GNAQ: variants seen among roughly 807,000 people sequenced by gnomAD.
The protein encoded by GNAQ is guanine nucleotide-binding protein G(q) subunit alpha.
Under a neutral mutation model 43.9 loss-of-function variants are expected in GNAQ, and 8 were observed. That is an observed-to-expected ratio of 0.18 (90% CI 0.11 to 0.33). The LOEUF (loss-of-function observed/expected upper bound fraction) is 0.33, where lower values mean the gene tolerates loss of function less well. Ranked by LOEUF, GNAQ falls within the 10% of genes least tolerant of loss-of-function variation. The pLI, the probability that GNAQ is intolerant of heterozygous loss-of-function variation, is 1.00. For synonymous variants in GNAQ, 155 were observed against 170.7 expected (o/e 0.91, Z 0.71); for missense variants, 158 against 450.8 (o/e 0.35, Z 5.88).
At chr9:77,880,758 G>C (rs1828195544) in intron 2 of GNAQ, among the ~76,000 whole-genome samples, 1 of 152,050 alleles carries the variant, frequency 6.6e-6, no homozygotes, top group Middle Eastern at 3.2e-3. Flanking sequence ...TTTTCTGTTA[G>C]TTTGCCCCTG....
intron 2 of GNAQ, among the ~76,000 whole-genome samples, chr9:77,907,996 C>A (rs890762799): frequency 2.0e-5 from 3 of 152,116 alleles, no homozygotes; most frequent in Admixed American, 6.6e-5. Flanking sequence ...TGGGCTTAAT[C>A]CAGCCCCATA....
At chr9:77,882,315 T>C (rs1395601574) in intron 2 of GNAQ, among the ~76,000 whole-genome samples, 1 of 152,198 alleles carries the variant, frequency 6.6e-6, no homozygotes, top group Non-Finnish European at 1.5e-5. Context: ...TGAGAATTAC[T>C]GTTCCAGATC....
intron 2 of GNAQ, among the ~76,000 whole-genome samples, chr9:77,848,028 G>T (rs1293959096): frequency 1.3e-5 from 2 of 152,152 alleles, no homozygotes; most frequent in Non-Finnish European, 1.5e-5. Flanking sequence ...GGATGCTCTG[G>T]ATTTCAGCCA....
intron 5 of GNAQ, among the ~76,000 whole-genome samples, chr9:77,769,416 GGAA>G (rs1017029312): frequency 9.4e-4 from 142 of 150,490 alleles, no homozygotes; most frequent in Middle Eastern, 3.4e-3. Context: ...AAAAAAAAAA[GGAA>G]GAAGAACTAA....
chr9:78,003,277 C>A (rs1455419273), intron 1 of GNAQ, among the ~76,000 whole-genome samples: 1 of 152,192 alleles, frequency 6.6e-6, no homozygotes. Flanking sequence ...AGAGCACTAG[C>A]TATCTCCAAA....
chr9:77,872,309 T>C (rs1226314424), intron 2 of GNAQ, among the ~76,000 whole-genome samples: 1 of 152,206 alleles, frequency 6.6e-6, no homozygotes, highest in Non-Finnish European at 1.5e-5. Context: ...ACCATTAAAC[T>C]ACTAGGATCT....
intron 5 of GNAQ, among the ~76,000 whole-genome samples, chr9:77,785,481 A>G (rs1202209510): frequency 6.6e-6 from 1 of 152,214 alleles, no homozygotes; most frequent in Non-Finnish European, 1.5e-5. Flanking sequence ...TACAGGCAGT[A>G]TCTACCACAG....
intron 2 of GNAQ, among the ~76,000 whole-genome samples, chr9:77,829,078 G>C (rs1028881656): frequency 6.6e-6 from 1 of 152,074 alleles, no homozygotes; most frequent in South Asian, 2.1e-4. Flanking sequence ...AGAGCTGCTG[G>C]GGCCATTCAT....
At chr9:78,017,677 G>C (rs764496738) in intron 1 of GNAQ, among the ~76,000 whole-genome samples, 4 of 152,102 alleles carry the variant, frequency 2.6e-5, no homozygotes, top group South Asian at 2.1e-4. Context: ...AACAGTTTTG[G>C]CTTGATAGTA....
intron 2 of GNAQ, among the ~76,000 whole-genome samples, chr9:77,913,859 TC>T (rs1328357099): frequency 1.3e-5 from 2 of 152,152 alleles, no homozygotes; most frequent in Non-Finnish European, 1.5e-5. Context: ...CACACACGAC[TC>T]AATACTGATG....
At chr9:77,907,199 G>T (rs1335427100) in intron 2 of GNAQ, among the ~76,000 whole-genome samples, 1 of 152,068 alleles carries the variant, frequency 6.6e-6, no homozygotes, top group Non-Finnish European at 1.5e-5. Flanking sequence ...CTTGATTTGT[G>T]ACCAAGTTTT....
chr9:77,862,008 TAAAAA>T (rs56145947), intron 2 of GNAQ, among the ~76,000 whole-genome samples: 5 of 118,096 alleles, frequency 4.2e-5, no homozygotes, highest in Non-Finnish European at 6.7e-5. Flanking sequence ...CTGTCTGGGG[TAAAAA>T]AAAAAAAAAA....
rs561412439 is a variant in GNAQ, at chr9:77,833,029, C to T, written c.322-17259G>A. ...TCTCCCAGGCTGGAATGCAAAGGCACGATCTCGGCTCACTGCAACCTCTGC... is the reference window on the plus strand; with the variant it reads ...TCTCCCAGGCTGGAATGCAAAGGCATGATCTCGGCTCACTGCAACCTCTGC... On this transcript the variant is annotated intron_variant, in intron 2 of 6. Transcript: ENST00000286548. Among the ~76,000 whole-genome samples, 129 of 152,290 alleles carry T rather than the reference C, an allele frequency of 8.5e-4. 1 individual carries two copies. Among genetic ancestry groups the T allele is most frequent in the South Asian group, 1.7e-3 (8 of 4,826 alleles).
At chr9:77,774,321 G>A (rs1463622090) in intron 5 of GNAQ, among the ~76,000 whole-genome samples, 1 of 152,120 alleles carries the variant, frequency 6.6e-6, no homozygotes, top group Non-Finnish European at 1.5e-5. Context: ...ATGGATGTTA[G>A]AACTAATACT....
intron 6 of GNAQ, among the ~76,000 whole-genome samples, chr9:77,724,366 A>G (rs931053034): frequency 1.3e-5 from 2 of 151,878 alleles, no homozygotes; most frequent in African/African-American, 4.8e-5. Context: ...TAATTTTTGT[A>G]TTTTTAGAAG....
At chr9:77,762,005 G>T (rs1826039436) in intron 5 of GNAQ, among the ~76,000 whole-genome samples, 1 of 138,582 alleles carries the variant, frequency 7.2e-6, no homozygotes, top group African/African-American at 2.7e-5. Context: ...GGGCGCCTCT[G>T]CCCGGCCGCC....
chr9:77,799,076 G>A (rs1826703344), intron 3 of GNAQ, among the ~76,000 whole-genome samples: 1 of 152,126 alleles, frequency 6.6e-6, no homozygotes, highest in Non-Finnish European at 1.5e-5. Context: ...AAAATAATCT[G>A]AAATGTTGAG....
intron 1 of GNAQ, among the ~76,000 whole-genome samples, chr9:77,955,376 T>A (rs1268514405): frequency 6.6e-6 from 1 of 152,046 alleles, no homozygotes; most frequent in Non-Finnish European, 1.5e-5. Flanking sequence ...CTCCTGACCT[T>A]GTGATCCACC....
intron 1 of GNAQ, among the ~76,000 whole-genome samples, chr9:78,029,444 C>T (rs1930542): frequency 0.29 from 43,534 of 151,840 alleles, 6,438 homozygotes; most frequent in South Asian, 0.43. Flanking sequence ...TTTTCAGCCA[C>T]TAGAAGTAGC....
Sources: gnomAD v4.1 joint callset for allele counts (sites outside exome capture counted in the v4.1 genomes callset) on GRCh38, gnomAD v4.1.1 for gene constraint, MANE v1.5 for transcripts, NCBI Gene and HGNC (gene_info 2026-07-23, HGNC 2026-07-21) for gene names.